RALGAPA2: variants seen among roughly 807,000 people sequenced by gnomAD.
RALGAPA2 encodes the protein Ral GTPase activating protein catalytic subunit alpha 2.
Under a neutral mutation model 230.4 loss-of-function variants are expected in RALGAPA2, and 139 were observed. The observed-to-expected ratio is 0.60, with a 90% CI of 0.53 to 0.69. The LOEUF is 0.69. Ranked by LOEUF, RALGAPA2 falls within the 30% of genes least tolerant of loss-of-function variation. The pLI, the probability that RALGAPA2 is intolerant of heterozygous loss-of-function variation, is 0.00. For missense variants in RALGAPA2, 2,163 were observed against 2,276.0 expected, an observed-to-expected ratio of 0.95 and a Z score of 1.01; for synonymous variants, 847 against 837.8, an observed-to-expected ratio of 1.01 and a Z score of -0.19.
chr20:20,655,407 G>A (rs761471347), intron 3 of RALGAPA2, among the ~76,000 whole-genome samples: 5 of 152,122 alleles, frequency 3.3e-5, no homozygotes, highest in Non-Finnish European at 7.4e-5. Context: ...CACCTCAGCA[G>A]GGGCTTCATG....
intron 37 of RALGAPA2, among the ~76,000 whole-genome samples, chr20:20,468,963 T>TGTTTGTGTG (rs2061480717): frequency 7.0e-6 from 1 of 143,292 alleles, no homozygotes; most frequent in South Asian, 2.3e-4. Flanking sequence ...GTGTGTGTGT[T>TGTTTGTGTG]TGTGTGTGTG....
At chr20:20,616,772 A>AT (rs201019086) in intron 12 of RALGAPA2, among the ~76,000 whole-genome samples, 10 of 151,644 alleles carry the variant, frequency 6.6e-5, no homozygotes, top group East Asian at 1.9e-4. Flanking sequence ...CCAGGAGGCT[A>AT]TTTTTTTTTA....
intron 14 of RALGAPA2, among the ~76,000 whole-genome samples, chr20:20,606,790 C>T (rs1249691249): frequency 6.6e-6 from 1 of 152,228 alleles, no homozygotes; most frequent in Non-Finnish European, 1.5e-5. Flanking sequence ...GTCACCTGGA[C>T]AGCCCTATGA....
intron 3 of RALGAPA2, among the ~76,000 whole-genome samples, chr20:20,662,881 G>C (rs1227044209): frequency 6.6e-6 from 1 of 152,218 alleles, no homozygotes; most frequent in Admixed American, 6.5e-5. Flanking sequence ...ACAGGGGTGA[G>C]CCAGGCAAGG....
intron 37 of RALGAPA2, among the ~76,000 whole-genome samples, chr20:20,463,780 T>C (rs893427257): frequency 5.3e-5 from 8 of 152,228 alleles, no homozygotes; most frequent in African/African-American, 1.9e-4. Context: ...CTTTTGCTCT[T>C]TGAATACTCA....
intron 26 of RALGAPA2, among the ~76,000 whole-genome samples, chr20:20,534,019 CA>C (rs1383408356): frequency 6.6e-6 from 1 of 151,980 alleles, no homozygotes; most frequent in African/African-American, 2.4e-5. Flanking sequence ...TGAACAAAGA[CA>C]AAAGCCTAGT....
chr20:20,529,598 CAT>C (rs1467151332), intron 27 of RALGAPA2, among the ~76,000 whole-genome samples: 2 of 152,208 alleles, frequency 1.3e-5, no homozygotes, highest in Non-Finnish European at 2.9e-5. Flanking sequence ...TATGTCTAGA[CAT>C]GTTTACTCAA....
intron 37 of RALGAPA2, among the ~76,000 whole-genome samples, chr20:20,448,477 A>G (rs2060914679): frequency 1.3e-5 from 2 of 152,222 alleles, no homozygotes; most frequent in Non-Finnish European, 2.9e-5. Flanking sequence ...GGTGCCAACA[A>G]AACACCTCTA....
chr20:20,458,602 GAGCTGTACTA>G (rs1160681450), intron 37 of RALGAPA2, among the ~76,000 whole-genome samples: 18 of 131,756 alleles, frequency 1.4e-4, no homozygotes, highest in African/African-American at 4.7e-4. Context: ...AGAAATATAT[GAGCTGTACTA>G]AGCTGTACTA....
chr20:20,412,132 G>A lies in RALGAPA2; in HGVS notation c.5512C>T (p.Leu1838=), dbSNP rs769091763. The stretch of plus-strand genomic sequence containing the variant: ...TTCTGAATTATTGCTTCGAGATACA[G>A]AGCTCGCTCTTCATAGCTGCGGTAA... ...LYQSFYEERA[L]YLEAIIQNHR... Residue 1838 remains leucine, a synonymous_variant, in exon 38 of 40, where the codon CTG becomes TTG. Coordinates refer to ENST00000202677, the MANE Select transcript of RALGAPA2 (RefSeq NM_020343.4). 2.4e-5 allele frequency: 38 copies of A among 1,613,868 alleles called. No individual in the cohort carries two copies. The highest frequency in any genetic ancestry group is 3.1e-5 in the Non-Finnish European group (36 of 1,179,878).
At chr20:20,637,973 A>G (rs2066912319) in intron 7 of RALGAPA2, among the ~76,000 whole-genome samples, 1 of 152,258 alleles carries the variant, frequency 6.6e-6, no homozygotes, top group South Asian at 2.1e-4. Flanking sequence ...TCAAAAGGCA[A>G]AAGCCATGGA....
At chr20:20,468,947 G>T (rs1232715620) in intron 37 of RALGAPA2, among the ~76,000 whole-genome samples, 5 of 150,280 alleles carry the variant, frequency 3.3e-5, no homozygotes, top group Non-Finnish European at 7.4e-5. Flanking sequence ...CATCCTGTGT[G>T]TGTGTGTGTG....
At chr20:20,460,202 C>A (rs1361022733) in intron 37 of RALGAPA2, among the ~76,000 whole-genome samples, 2 of 152,188 alleles carry the variant, frequency 1.3e-5, no homozygotes, top group Non-Finnish European at 1.5e-5. Context: ...ACTGCTGCAT[C>A]CATCAGCTCA....
chr20:20,649,232 T>C (rs2067315801), intron 4 of RALGAPA2, among the ~76,000 whole-genome samples: 1 of 152,132 alleles, frequency 6.6e-6, no homozygotes, highest in African/African-American at 2.4e-5. Context: ...AGGGAAACCC[T>C]GCTCTCTCAG....
intron 10 of RALGAPA2, among the ~76,000 whole-genome samples, chr20:20,626,600 T>A (rs2066496018): frequency 6.6e-6 from 1 of 152,242 alleles, no homozygotes; most frequent in South Asian, 2.1e-4. Flanking sequence ...ATTATTTGTA[T>A]GATAAATTAA....
intron 3 of RALGAPA2, among the ~76,000 whole-genome samples, chr20:20,657,999 G>GAATACAGC (rs2067648461): frequency 6.6e-6 from 1 of 152,164 alleles, no homozygotes. Flanking sequence ...GAAAAACACA[G>GAATACAGC]AATACAGCAA....
intron 37 of RALGAPA2, chr20:20,470,878 T>C (rs1273677398): frequency 2.0e-5 from 3 of 152,218 alleles, no homozygotes; most frequent in African/African-American, 7.2e-5. Flanking sequence ...GTTAAATGAT[T>C]GCAAAGTTTT....
intron 15 of RALGAPA2, among the ~76,000 whole-genome samples, chr20:20,602,107 T>C (rs756462553): frequency 3.3e-5 from 5 of 152,222 alleles, no homozygotes; most frequent in Non-Finnish European, 7.3e-5. Flanking sequence ...CTCATTCCAA[T>C]ATACAAAAGA....
chr20:20,516,506 C>T (rs1400410888), intron 31 of RALGAPA2, among the ~76,000 whole-genome samples: 1 of 152,178 alleles, frequency 6.6e-6, no homozygotes, highest in Admixed American at 6.5e-5. Flanking sequence ...ATCACCACTG[C>T]CTATAATACT....
Sources: gnomAD v4.1 joint callset for allele counts (sites outside exome capture counted in the v4.1 genomes callset) on GRCh38, gnomAD v4.1.1 for gene constraint, MANE v1.5 for transcripts, NCBI Gene and HGNC (gene_info 2026-07-23, HGNC 2026-07-21) for gene names.